Variants in TRPM3 observed in about 807,000 individuals in gnomAD.
The protein encoded by TRPM3 is long transient receptor potential channel 3.
Under a neutral mutation model 181.2 loss-of-function variants are expected in TRPM3, and 77 were observed. That is an observed-to-expected ratio of 0.42 (90% CI 0.35 to 0.51). The LOEUF is 0.51. Among genes scored for constraint, TRPM3 ranks in the 20% least tolerant of loss-of-function variants. The probability of loss-of-function intolerance (pLI) is 0.01; values close to 1 mark genes in which losing one functional copy is unlikely to be tolerated. For missense variants in TRPM3, 1,759 were observed against 2,196.7 expected (o/e 0.80, Z 3.98); for synonymous variants, 745 against 796.4 (o/e 0.94, Z 1.09).
intron 8 of TRPM3, among the ~76,000 whole-genome samples, chr9:70,757,351 C>T (rs892688049): frequency 2.0e-5 from 3 of 152,118 alleles, no homozygotes; most frequent in African/African-American, 7.2e-5. Context: ...AATAGCCTAC[C>T]AACCAATAAA....
intron 1 of TRPM3, among the ~76,000 whole-genome samples, chr9:70,902,294 A>T (rs2096398163): frequency 6.6e-6 from 1 of 152,194 alleles, no homozygotes. Flanking sequence ...ATGCCCCTTT[A>T]TGTATTCACA....
At chr9:70,922,978 T>G (rs2133304933) in intron 1 of TRPM3, among the ~76,000 whole-genome samples, 1 of 152,304 alleles carries the variant, frequency 6.6e-6, no homozygotes, top group East Asian at 1.9e-4. Context: ...AACAGTGTAA[T>G]TGATCCACGT....
At position 71,081,127 on chromosome 9, in the gene TRPM3, G is replaced by A. The variant is rs551304638; in HGVS notation, c.177+40051C>T. 6.8e-4 allele frequency among the ~76,000 whole-genome samples: 104 copies of A among 152,240 alleles called. No homozygotes were observed. In the South Asian group the frequency reaches 0.015, roughly 22 times the overall value. On this transcript the variant is annotated intron_variant, in intron 1 of 25. Transcript: ENST00000677713. ...CCCACCTCAGCTTCCTGGATGTGAC[G>A]CTAAATTGACATTTATCAAATTGAA...
intron 1 of TRPM3, among the ~76,000 whole-genome samples, chr9:71,103,029 T>A (rs1248056134): frequency 6.6e-6 from 1 of 152,204 alleles, no homozygotes; most frequent in African/African-American, 2.4e-5. Flanking sequence ...GATAAAAATT[T>A]TTTTTAGTTA....
chr9:71,330,418 T>C (rs528226482), intron 1 of TRPM3, among the ~76,000 whole-genome samples: 7 of 152,004 alleles, frequency 4.6e-5, no homozygotes, highest in African/African-American at 1.4e-4. Flanking sequence ...CAGAATCCTA[T>C]ACTAATTATT....
intron 1 of TRPM3, among the ~76,000 whole-genome samples, chr9:71,173,362 T>C (rs1321880416): frequency 6.6e-6 from 1 of 152,190 alleles, no homozygotes; most frequent in Non-Finnish European, 1.5e-5. Flanking sequence ...ATTAGTTACA[T>C]ATCACAGAAT....
chr9:71,369,176 G>C (rs779862764), intron 1 of TRPM3, among the ~76,000 whole-genome samples: 44 of 152,150 alleles, frequency 2.9e-4, no homozygotes, highest in Admixed American at 1.5e-3. Flanking sequence ...CCCAAAATAG[G>C]TGACAAGTTT....
chr9:70,829,709 T>C (rs2093773015), intron 5 of TRPM3, among the ~76,000 whole-genome samples: 1 of 152,200 alleles, frequency 6.6e-6, no homozygotes. Flanking sequence ...ACTTTTTGAT[T>C]ATTGTCTCTA....
chr9:71,279,078 G>A (rs994699113), intron 1 of TRPM3, among the ~76,000 whole-genome samples: 3 of 131,238 alleles, frequency 2.3e-5, no homozygotes, highest in Admixed American at 8.4e-5. Flanking sequence ...AACCACCAAC[G>A]ACCATTTATG....
At chr9:70,754,021 T>G (rs2076635158) in intron 8 of TRPM3, among the ~76,000 whole-genome samples, 1 of 152,048 alleles carries the variant, frequency 6.6e-6, no homozygotes, top group Non-Finnish European at 1.5e-5. Context: ...GTCTAAGTGG[T>G]CCTCCTACAC....
chr9:71,187,749 A>T (rs1317604284), intron 1 of TRPM3, among the ~76,000 whole-genome samples: 2 of 151,884 alleles, frequency 1.3e-5, no homozygotes, highest in Non-Finnish European at 2.9e-5. Context: ...GCCACTCCTA[A>T]TTTTGTTATT....
At chr9:70,761,575 C>T (rs1434178806) in intron 8 of TRPM3, 26 bp downstream of exon 8, 8 of 1,613,894 alleles carry the variant, frequency 5.0e-6, no homozygotes, top group Non-Finnish European at 6.8e-6. Context: ...GTGGAGACAG[C>T]TGGCCACCCA....
chr9:71,148,314 C>T lies in TRPM3; in HGVS notation c.184-283803G>A, dbSNP rs190659097. 6.0e-4 allele frequency among the ~76,000 whole-genome samples: 92 copies of T among 152,184 alleles called. 1 individual carries two copies. In the Middle Eastern group the frequency reaches 0.01, roughly 17 times the overall value. ...CTAGAAGAATATTTTTAAAACAAAT[C>T]ATACATTTGCTTGAATTTTTATAAA... On this transcript the variant is annotated intron_variant, in intron 1 of 24. Coordinates refer to the TRPM3 transcript ENST00000357533.
intron 1 of TRPM3, among the ~76,000 whole-genome samples, chr9:71,186,560 A>C (rs963055580): frequency 1.3e-5 from 2 of 152,018 alleles, no homozygotes; most frequent in Non-Finnish European, 1.5e-5. Flanking sequence ...CTGATGTCCA[A>C]AGATGCACTG....
At chr9:71,288,382 T>C (rs1504391) in intron 1 of TRPM3, among the ~76,000 whole-genome samples, 33,993 of 151,944 alleles carry the variant, frequency 0.22, 4,235 homozygotes, top group African/African-American at 0.31. Flanking sequence ...TTCATATGTG[T>C]ATATATACAC....
In TRPM3 at chr9:70,915,961, G is replaced by A. The variant is rs117811372; in HGVS notation, c.178-51450C>T. Among the ~76,000 whole-genome samples the A allele has an allele frequency of 6.3e-3, 952 of 152,124 alleles. 30 individuals are homozygous for A. The highest frequency in any genetic ancestry group is 0.046 in the Admixed American group (696 of 15,286). ...GCATTTAATAATCAAACTTCCAAAG[G>A]TAAAGGATAAAGAATGAATACTAAA... On this transcript the variant is annotated intron_variant, in intron 1 of 25. Transcript: ENST00000677713.
intron 25 of TRPM3, among the ~76,000 whole-genome samples, chr9:70,546,736 T>C (rs1335952189): frequency 6.6e-6 from 1 of 151,732 alleles, no homozygotes; most frequent in Non-Finnish European, 1.5e-5. Flanking sequence ...AGCTTGGTTA[T>C]TTGAGTATAA....
intron 22 of TRPM3, among the ~76,000 whole-genome samples, chr9:70,583,741 A>C (rs2056521616): frequency 1.3e-5 from 2 of 152,102 alleles, no homozygotes; most frequent in African/African-American, 4.8e-5. Context: ...CTATTACACA[A>C]AGTCTCCAGT....
intron 9 of TRPM3, among the ~76,000 whole-genome samples, chr9:70,645,476 T>C (rs975978853): frequency 2.0e-5 from 3 of 152,140 alleles, no homozygotes; most frequent in African/African-American, 4.8e-5. Flanking sequence ...CCCTATTTAA[T>C]AAATGGTGTT....
Sources: gnomAD v4.1 joint callset for allele counts (sites outside exome capture counted in the v4.1 genomes callset) on GRCh38, gnomAD v4.1.1 for gene constraint, MANE v1.5 for transcripts, NCBI Gene and HGNC (gene_info 2026-07-23, HGNC 2026-07-21) for gene names.